The following PHACTR2 variants were observed in gnomAD, a reference collection of about 807,000 sequenced individuals.
The protein encoded by PHACTR2 is phosphatase and actin regulator 2.
In PHACTR2, 30 loss-of-function variants were observed where a neutral mutation model predicts 76.0. That is an observed-to-expected ratio of 0.39 (90% CI 0.30 to 0.54). The LOEUF (loss-of-function observed/expected upper bound fraction) is 0.54, where lower values mean the gene tolerates loss of function less well. PHACTR2 is among the 20% of genes least tolerant of loss of function. The probability of loss-of-function intolerance (pLI) is 0.61; values close to 1 mark genes in which losing one functional copy is unlikely to be tolerated. For synonymous variants in PHACTR2, 292 were observed against 292.5 expected (o/e 1.00, Z 0.02); for missense variants, 696 against 781.1 (o/e 0.89, Z 1.30).
chr6:143,758,499 G>T (rs957422088), intron 4 of PHACTR2, among the ~76,000 whole-genome samples: 5 of 152,266 alleles, frequency 3.3e-5, no homozygotes, highest in Middle Eastern at 6.8e-3. Flanking sequence ...AATTTTATAG[G>T]TGTGTATCAA....
In PHACTR2 at chr6:143,765,305, G is replaced by A. The variant is rs758624968; in HGVS notation, c.739G>A (p.Ala247Thr). 6.2e-7 allele frequency: 1 copy of A among 1,614,166 alleles called. No individual in the cohort carries two copies. The highest frequency in any genetic ancestry group is 8.5e-7 in the Non-Finnish European group (1 of 1,180,034). Reference protein sequence around the residue: ...SKKTTGSKASASPSTSSTSSR... With the variant: ...SKKTTGSKASTSPSTSSTSSR... ...AAAAACAACTGGCTCTAAAGCATCA[G>A]CTTCGCCATCCACTTCATCCACCTC... The change falls in exon 6 of 13, where the codon GCT becomes ACT. Residue 247 changes from alanine to threonine, a missense_variant. Around this residue, in one of 2 missense-constraint regions of PHACTR2, gnomAD observed 460 missense variants for 450.9 expected, o/e 1.02. Transcript: ENST00000440869. The surrounding 1 kb of genome is among the most constrained non-coding windows in gnomAD (Gnocchi z 4.1).
At chr6:143,706,475 T>C (rs1421206010) in intron 1 of PHACTR2, among the ~76,000 whole-genome samples, 1 of 152,200 alleles carries the variant, frequency 6.6e-6, no homozygotes, top group East Asian at 1.9e-4. Flanking sequence ...CCAACTCTCA[T>C]CAGGGCTGCA....
At position 143,738,598 on chromosome 6, in the gene PHACTR2, A is replaced by G. The variant is rs915810424; in HGVS notation, c.215-10387A>G. On this transcript the variant is annotated intron_variant, in intron 2 of 12. Transcript: ENST00000440869. This position sits in a 1 kb window ranked among gnomAD's most constrained non-coding sequence, Gnocchi z 4.0. ...AACCCCATCTCTTAAAAAAAATACA[A>G]AACAAAAATTAGCTGGGCATGGTGG... Among the ~76,000 whole-genome samples, 3 of 151,744 alleles carry G rather than the reference A, an allele frequency of 2.0e-5. No individual in the cohort carries two copies. The highest frequency in any genetic ancestry group is 7.3e-5 in the African/African-American group (3 of 41,278).
rs1384489162 is a variant in PHACTR2, at chr6:143,751,188, G to C, written c.295+2123G>C. On this transcript the variant is annotated intron_variant, in intron 3 of 12. Coordinates refer to ENST00000440869, the MANE Select transcript of PHACTR2 (RefSeq NM_001100164.2). The surrounding 1 kb of genome is among the most constrained non-coding windows in gnomAD (Gnocchi z 5.7). ...GCCTGTCCATCAAGCCCTTTATTCA[G>C]TGAGCCAGATAGACTTTAAAAATCC... Among the ~76,000 whole-genome samples the C allele has an allele frequency of 6.6e-6, 1 of 152,110 alleles. No individual in the cohort carries two copies. The highest frequency in any genetic ancestry group is 1.5e-5 in the Non-Finnish European group (1 of 68,022).
chr6:143,771,321 G>A (rs1014977723), intron 6 of PHACTR2, among the ~76,000 whole-genome samples: 4 of 143,954 alleles, frequency 2.8e-5, no homozygotes, highest in Non-Finnish European at 6.1e-5. Flanking sequence ...CTGCAGTCTC[G>A]ATTTCCCAGG....
At chr6:143,661,552 A>T (rs913261199) in intron 1 of PHACTR2, among the ~76,000 whole-genome samples, 26 of 151,314 alleles carry the variant, frequency 1.7e-4, no homozygotes, top group Non-Finnish European at 3.2e-4. Flanking sequence ...CCTTTTCTAA[A>T]ATTTTCTTTC....
chr6:143,678,226 CGCGATGCGCTCCCGCCGCGCGGGCGCAG>C lies in PHACTR2; in HGVS notation c.46+19_46+46del. 1 of 1,490,182 alleles carries C rather than the reference CGCGATGCGCTCCCGCCGCGCGGGCGCAG, an allele frequency of 6.7e-7. No individual in the cohort carries two copies. Among genetic ancestry groups the C allele is most frequent in the Non-Finnish European group, 8.9e-7 (1 of 1,120,464 alleles). 92.3% of individuals were successfully genotyped at this position (1,490,182 alleles called of 1,614,324 possible). ...CCGGCAGCGGTGAGTCCGGGGCGCACGCGATGCGCTCCCGCCGCGCGGGCGCAGGGCTGGCGGCGGGGCCCCGGGGCAG... is the reference window on the plus strand; with the variant it reads ...CCGGCAGCGGTGAGTCCGGGGCGCACGGCTGGCGGCGGGGCCCCGGGGCAG... On this transcript the variant is annotated intron_variant, in intron 1 of 12. Coordinates refer to ENST00000440869, the MANE Select transcript of PHACTR2 (RefSeq NM_001100164.2). This position sits in a 1 kb window ranked among gnomAD's most constrained non-coding sequence, Gnocchi z 6.2.
At chr6:143,703,896 T>G (rs1050437930) in intron 1 of PHACTR2, among the ~76,000 whole-genome samples, 1 of 152,222 alleles carries the variant, frequency 6.6e-6, no homozygotes, top group Non-Finnish European at 1.5e-5. Context: ...TTAAAAATTT[T>G]TACATTTAAC....
rs1776526841 is a variant in PHACTR2 at position 143,826,191 on chromosome 6, G to A, written c.*2502G>A. Reference sequence around the variant, plus strand: ...ATTATGAGCTAAGCTGTATTTTGCAGAATATGGTTCTATTTTAGTAGAGCA... The same window carrying A: ...ATTATGAGCTAAGCTGTATTTTGCAAAATATGGTTCTATTTTAGTAGAGCA... On this transcript the variant is annotated 3_prime_UTR_variant, in exon 13 of 13. Coordinates refer to ENST00000440869, the MANE Select transcript of PHACTR2 (RefSeq NM_001100164.2). The A allele has an allele frequency of 6.6e-6, 1 of 152,198 alleles. No homozygotes were observed. The highest frequency in any genetic ancestry group is 1.5e-5 in the Non-Finnish European group (1 of 68,050). The allele number at this position is 152,198 out of a possible 1,614,324, so 9.4% of individuals were successfully genotyped here.
At position 143,595,058 on chromosome 6, in the gene PHACTR2, T is replaced by C. The variant is rs1017681212; in HGVS notation, c.217+57851T>C. On this transcript the variant is annotated intron_variant, in intron 1 of 11. Coordinates refer to the PHACTR2 transcript ENST00000367584. The surrounding 1 kb of genome is among the most constrained non-coding windows in gnomAD (Gnocchi z 4.2). ...CTTCCTAAAATCAGTCTTTTTCTGT[T>C]AGATCTTCAAACCAGGTTTTAGAAG... Among the ~76,000 whole-genome samples, 19 of 152,238 alleles carry C rather than the reference T, an allele frequency of 1.2e-4. No homozygotes were observed. The highest frequency in any genetic ancestry group is 4.1e-4 in the African/African-American group (17 of 41,466).
Position 143,653,771 on chromosome 6 carries a change from G to A in PHACTR2, c.13+45449G>A, listed in dbSNP as rs1776801939. 6.6e-6 allele frequency among the ~76,000 whole-genome samples: 1 copy of A among 152,010 alleles called. No homozygotes were observed. The highest frequency in any genetic ancestry group is 6.6e-5 in the Admixed American group (1 of 15,252). ...AGCTAAAACTATAACAGGCTTAGAA[G>A]AAAACATAGGTGTAAATTTTCATGA... On this transcript the variant is annotated intron_variant, in intron 1 of 11. Coordinates refer to the PHACTR2 transcript ENST00000305766. This position sits in a 1 kb window ranked among gnomAD's most constrained non-coding sequence, Gnocchi z 4.9.
rs1041614208 is a variant in PHACTR2, at chr6:143,662,665, T to A, written c.14-49351T>A. On this transcript the variant is annotated intron_variant, in intron 1 of 11. Coordinates refer to the PHACTR2 transcript ENST00000305766. The surrounding 1 kb of genome is among the most constrained non-coding windows in gnomAD (Gnocchi z 4.7). ...CCTACTAGGGATGTTTCAGTTCTTA[T>A]GACTACCAGGCAGTTTTGTTTTTCA... is the stretch of plus-strand genomic sequence containing the variant. Among the ~76,000 whole-genome samples, 1 of 152,246 alleles carries A rather than the reference T, an allele frequency of 6.6e-6. No homozygotes were observed. The highest frequency in any genetic ancestry group is 1.5e-5 in the Non-Finnish European group (1 of 68,038).
chr6:143,811,663 C>T lies in PHACTR2; in HGVS notation c.1922+4530C>T, dbSNP rs149442881. On this transcript the variant is annotated intron_variant, in intron 12 of 12. Coordinates refer to ENST00000440869, the MANE Select transcript of PHACTR2 (RefSeq NM_001100164.2). The surrounding 1 kb of genome is among the most constrained non-coding windows in gnomAD (Gnocchi z 4.1). The stretch of plus-strand genomic sequence containing the variant: ...GTATTCTTAAACCTTGGCAGTAAAG[C>T]AAATGTTACTGCTATTTTTCCATTA... Among the ~76,000 whole-genome samples the T allele has an allele frequency of 6.6e-6, 1 of 152,156 alleles. No individual in the cohort carries two copies. Among genetic ancestry groups the T allele is most frequent in the Non-Finnish European group, 1.5e-5 (1 of 67,990 alleles).
chr6:143,823,731 G>A lies in PHACTR2; in HGVS notation c.*42G>A. On this transcript the variant is annotated 3_prime_UTR_variant, in exon 13 of 13. Transcript: ENST00000440869. This position sits in a 1 kb window ranked among gnomAD's most constrained non-coding sequence, Gnocchi z 5.7. Reference sequence around the variant, plus strand: ...TTGGAAACAGAGACTGATCATCTTTGGGGGAAGCCCTGCTTCCTGAAAACC... The same window carrying A: ...TTGGAAACAGAGACTGATCATCTTTAGGGGAAGCCCTGCTTCCTGAAAACC... The A allele has an allele frequency of 6.4e-7, 1 of 1,555,212 alleles. No individual in the cohort carries two copies. The highest frequency in any genetic ancestry group is 1.4e-5 in the African/African-American group (1 of 73,914).
rs10457753 is a variant in PHACTR2 at position 143,710,552 on chromosome 6, G to T, written c.47-1464G>T. ...TACTAAAAATACAAAAATTAGCCAG[G>T]CCTGGTGGCATGTGCCTGTAGTCAG... On this transcript the variant is annotated intron_variant, in intron 1 of 12. Transcript: ENST00000440869. The surrounding 1 kb of genome is among the most constrained non-coding windows in gnomAD (Gnocchi z 4.9). Among the ~76,000 whole-genome samples, 9,464 of 152,188 alleles carry T rather than the reference G, an allele frequency of 0.062. 603 individuals are homozygous for T. The highest frequency in any genetic ancestry group is 0.34 in the East Asian group (1,757 of 5,164).
intron 6 of PHACTR2, among the ~76,000 whole-genome samples, chr6:143,766,590 A>G (rs1779568821): frequency 6.6e-6 from 1 of 152,264 alleles, no homozygotes; most frequent in Non-Finnish European, 1.5e-5. Flanking sequence ...AAGATAAAAG[A>G]TAGTGCTCAA....
At chr6:143,643,730 C>CCTCTAGGTAT (rs1322521115) in intron 1 of PHACTR2, among the ~76,000 whole-genome samples, 1 of 152,150 alleles carries the variant, frequency 6.6e-6, no homozygotes, top group Non-Finnish European at 1.5e-5. Flanking sequence ...TAAGATCAAA[C>CCTCTAGGTAT]CTCTAGGTAT....
At chr6:143,673,011 CA>C (rs1252776836), upstream of PHACTR2, among the ~76,000 whole-genome samples, 1 of 152,190 alleles carries the variant, frequency 6.6e-6, no homozygotes, top group East Asian at 1.9e-4. Context: ...AGGCATGAGT[CA>C]CCACTCCCAG....
intron 2 of PHACTR2, among the ~76,000 whole-genome samples, chr6:143,725,198 C>CTTTTTTT (rs59963214): frequency 3.2e-5 from 2 of 61,840 alleles, no homozygotes; most frequent in Non-Finnish European, 5.7e-5. Flanking sequence ...TTTGTGCTGT[C>CTTTTTTT]TTTTTTTTTT....
Sources: allele counts gnomAD v4.1 joint callset (sites outside exome capture counted in the v4.1 genomes callset), GRCh38; gene constraint gnomAD v4.1.1; regional missense constraint gnomAD v4.1.1; non-coding constraint Gnocchi (gnomAD v3.1); transcripts MANE v1.5; gene names NCBI Gene and HGNC (gene_info 2026-07-23, HGNC 2026-07-21).